Variants in NFYB observed in about 807,000 individuals in gnomAD.
The protein encoded by NFYB is nuclear transcription factor Y subunit beta, also known as CAAT box DNA-binding protein subunit B.
NFYB carries 13 observed loss-of-function variants against 28.0 expected under a neutral mutation model. The observed-to-expected ratio is 0.46, with a 90% CI of 0.30 to 0.74. NFYB has a LOEUF of 0.74. NFYB is among the 30% of genes least tolerant of loss of function. The probability of loss-of-function intolerance (pLI) is 0.07; values close to 1 mark genes in which losing one functional copy is unlikely to be tolerated. For synonymous variants in NFYB, 74 were observed against 75.0 expected (o/e 0.99, Z 0.07); for missense variants, 142 against 247.6 (o/e 0.57, Z 2.86).
At chr12:104,132,371 A>G (rs887495107) in intron 2 of NFYB, among the ~76,000 whole-genome samples, 1 of 152,068 alleles carries the variant, frequency 6.6e-6, no homozygotes, top group Non-Finnish European at 1.5e-5. Flanking sequence ...AGAGGAAATC[A>G]AAGAGTTTTA....
Position 104,128,429 on chromosome 12 carries a change from T to C in NFYB, c.95A>G (p.His32Arg), listed in dbSNP as rs752039402. ...IGGSHYVIQP[H>R]DDTEDSMNDH... ...TCTAATTGTGGCTTGCTTACCATCA[T>C]GAGGCTGTATAACATAATGACTTCC... Residue 32 changes from histidine to arginine, a missense_variant, in exon 3 of 8, where the codon CAT (histidine) becomes CGT (arginine). His to Arg is a conservative substitution (Grantham distance 29). Transcript: ENST00000240055. The C allele has an allele frequency of 2.5e-6, 4 of 1,604,792 alleles. No homozygotes were observed. Among genetic ancestry groups the C allele is most frequent in the Non-Finnish European group, 3.4e-6 (4 of 1,174,582 alleles).
intron 4 of NFYB, among the ~76,000 whole-genome samples, chr12:104,124,280 T>C (rs2030597469): frequency 6.6e-6 from 1 of 152,168 alleles, no homozygotes; most frequent in South Asian, 2.1e-4. Context: ...AGGTTTTGAG[T>C]TTACTAAAAA....
chr12:104,121,133 T>C, intron 6 of NFYB, 107 bp downstream of exon 6: 1 of 867,412 alleles, frequency 1.2e-6, no homozygotes, highest in South Asian at 1.5e-5. Flanking sequence ...CTATTTAAAA[T>C]AGTGCTTTGT....
At chr12:104,125,566 G>A (rs1450394131) in intron 4 of NFYB, among the ~76,000 whole-genome samples, 3 of 151,022 alleles carry the variant, frequency 2.0e-5, no homozygotes, top group Non-Finnish European at 4.4e-5. Context: ...TAAAACAGTC[G>A]GGCCAGGCAC....
chr12:104,117,116 AT>A lies in NFYB; in HGVS notation c.*2620del, dbSNP rs1442621964. On this transcript the variant is annotated 3_prime_UTR_variant, in exon 8 of 8. Coordinates refer to ENST00000240055, the MANE Select transcript of NFYB (RefSeq NM_006166.4). Reference sequence around the variant, plus strand: ...AAAAACATTTTTATGATAGGTTAACATGGGAGCTTGCATACATAAGAAGTTC... The same window carrying A: ...AAAAACATTTTTATGATAGGTTAACAGGGAGCTTGCATACATAAGAAGTTC... 6.6e-6 allele frequency: 1 copy of A among 152,242 alleles called. No individual in the cohort carries two copies. The highest frequency in any genetic ancestry group is 1.5e-5 in the Non-Finnish European group (1 of 68,042). The allele number at this position is 152,242 out of a possible 1,614,324, so 9.4% of individuals were successfully genotyped here. A position where few individuals can be genotyped will look rare whatever the true frequency, so the allele number is the denominator to read the frequency against.
chr12:104,127,663 CTTTTTTT>C (rs71069719), intron 3 of NFYB, among the ~76,000 whole-genome samples: 11,047 of 92,966 alleles, frequency 0.12, 590 homozygotes, highest in Admixed American at 0.24. Context: ...ATAACACTGC[CTTTTTTT>C]TTTTTTTTTT....
intron 3 of NFYB, among the ~76,000 whole-genome samples, chr12:104,127,397 C>T (rs1462363109): frequency 6.6e-6 from 1 of 151,648 alleles, no homozygotes; most frequent in African/African-American, 2.4e-5. Flanking sequence ...CACAGCGAAA[C>T]CCTGTCTCTA....
intron 3 of NFYB, among the ~76,000 whole-genome samples, chr12:104,128,160 G>A (rs192347347): frequency 2.6e-5 from 4 of 152,204 alleles, no homozygotes; most frequent in African/African-American, 7.2e-5. Flanking sequence ...ACAGGAAGTC[G>A]ATAACAAATT....
chr12:104,119,969 C>T (rs1199730819), intron 7 of NFYB, among the ~76,000 whole-genome samples, 200 bp from the exon 8 acceptor site: 1 of 151,936 alleles, frequency 6.6e-6, no homozygotes, highest in Non-Finnish European at 1.5e-5. Flanking sequence ...ATACTGTTAT[C>T]TACATTGAGA....
intron 2 of NFYB, chr12:104,131,820 A>C: frequency 8.8e-6 from 4 of 455,726 alleles, no homozygotes; most frequent in Non-Finnish European, 1.8e-5. Flanking sequence ...CTCAGCTTGC[A>C]GGACAAATGT....
At chr12:104,120,926 G>A (rs1256980050) in intron 6 of NFYB, among the ~76,000 whole-genome samples, 2 of 152,042 alleles carry the variant, frequency 1.3e-5, no homozygotes, top group Non-Finnish European at 1.5e-5. Flanking sequence ...AAACTGAGTT[G>A]AAATTTATTT....
chr12:104,136,371 A>G (rs1269211136), intron 1 of NFYB, among the ~76,000 whole-genome samples: 1 of 152,254 alleles, frequency 6.6e-6, no homozygotes, highest in African/African-American at 2.4e-5. Flanking sequence ...GCATCCAAGC[A>G]TGAAATCTAG....
Position 104,119,305 on chromosome 12 carries a change from G to C in NFYB, c.*432C>G, listed in dbSNP as rs1234768241. ...AAGACAAACTCAAATTTATAATAAA[G>C]GCAACTTGCATTCAAAATGAACTCT... On this transcript the variant is annotated 3_prime_UTR_variant, in exon 8 of 8. Transcript: ENST00000240055. 6.6e-6 allele frequency: 1 copy of C among 152,654 alleles called. No homozygotes were observed. The highest frequency in any genetic ancestry group is 2.4e-5 in the African/African-American group (1 of 41,444). The allele number at this position is 152,654 out of a possible 1,614,324, so 9.5% of individuals were successfully genotyped here. A position where few individuals can be genotyped will look rare whatever the true frequency, so the allele number is the denominator to read the frequency against.
At chr12:104,134,347 C>T (rs550191195) in intron 2 of NFYB, among the ~76,000 whole-genome samples, 2 of 152,264 alleles carry the variant, frequency 1.3e-5, no homozygotes, top group African/African-American at 2.4e-5. Flanking sequence ...TGCCCCATTC[C>T]CTGCAACGGG....
rs142384810 is a variant in NFYB, at chr12:104,132,924, G to T, written c.6+2524C>A. ...GACAGTGATGAATCGTTAGACTCAA[G>T]GAACTGATAAATATGGACAAAGAGT... is the stretch of plus-strand genomic sequence containing the variant. On this transcript the variant is annotated intron_variant, in intron 2 of 7. Transcript: ENST00000240055. 1.1e-4 allele frequency among the ~76,000 whole-genome samples: 17 copies of T among 152,304 alleles called. No individual in the cohort carries two copies. In the South Asian group the frequency reaches 1.2e-3, roughly 11 times the overall value.
intron 2 of NFYB, among the ~76,000 whole-genome samples, chr12:104,130,913 T>C (rs1271788312): frequency 6.6e-6 from 1 of 151,954 alleles, no homozygotes; most frequent in Non-Finnish European, 1.5e-5. Flanking sequence ...CAAACTTTGG[T>C]TGGGGGTGGG....
intron 4 of NFYB, among the ~76,000 whole-genome samples, 172 bp from the exon 5 acceptor site, chr12:104,123,595 G>A (rs905361143): frequency 1.3e-5 from 2 of 152,170 alleles, no homozygotes; most frequent in African/African-American, 4.8e-5. Context: ...CCACACCTCA[G>A]AGTCAGAATA....
chr12:104,137,832 T>G (rs557246408), intron 1 of NFYB: 32 of 146,290 alleles, frequency 2.2e-4, no homozygotes, highest in African/African-American at 7.1e-4. Flanking sequence ...CCGCGGCCCC[T>G]CCTCGGCCCC....
chr12:104,125,107 T>C (rs970277560), intron 4 of NFYB: 1 of 152,188 alleles, frequency 6.6e-6, no homozygotes, highest in Non-Finnish European at 1.5e-5. Flanking sequence ...TAAATGTATC[T>C]TAGTATCTAT....
Sources: gnomAD v4.1 joint callset for allele counts (sites outside exome capture counted in the v4.1 genomes callset) on GRCh38, gnomAD v4.1.1 for gene constraint, MANE v1.5 for transcripts, NCBI Gene and HGNC (gene_info 2026-07-23, HGNC 2026-07-21) for gene names.